Variants in BRINP1 observed in about 807,000 individuals in gnomAD.
BRINP1 encodes the protein BMP/retinoic acid-inducible neural-specific protein 1.
Under a neutral mutation model 72.9 loss-of-function variants are expected in BRINP1, and 17 were observed. The observed-to-expected ratio is 0.23, with a 90% CI of 0.16 to 0.35. The LOEUF (loss-of-function observed/expected upper bound fraction) is 0.35. Among genes scored for constraint, BRINP1 ranks in the 10% least tolerant of loss-of-function variants. The pLI is 1.00. For synonymous variants in BRINP1, 418 were observed against 378.5 expected (o/e 1.10, Z -1.21); for missense variants, 850 against 1,001.6 (o/e 0.85, Z 2.04).
intron 7 of BRINP1, among the ~76,000 whole-genome samples, chr9:119,201,164 G>T (rs1444313666): frequency 2.0e-5 from 3 of 152,186 alleles, no homozygotes; most frequent in Non-Finnish European, 4.4e-5. Context: ...AACATAGATT[G>T]GAAAGTGACT....
chr9:119,360,870 C>T (rs1320794049), intron 1 of BRINP1, among the ~76,000 whole-genome samples: 2 of 152,106 alleles, frequency 1.3e-5, no homozygotes, highest in African/African-American at 4.8e-5. Context: ...TGCTAAGAGC[C>T]CTGCTGCTCT....
At chr9:119,349,514 A>T (rs559264123) in intron 1 of BRINP1, among the ~76,000 whole-genome samples, 52 of 152,328 alleles carry the variant, frequency 3.4e-4, no homozygotes, top group African/African-American at 1.2e-3. Context: ...AGGAAGATGG[A>T]TTGGTGCGGT....
chr9:119,313,471 A>G, intron 1 of BRINP1, 66 bp from the exon 2 acceptor site: 1 of 1,404,146 alleles, frequency 7.1e-7, no homozygotes, highest in South Asian at 1.5e-5. Flanking sequence ...AGGAGAGGGG[A>G]AGAGGAGTAA....
intron 2 of BRINP1, among the ~76,000 whole-genome samples, chr9:119,288,036 T>C (rs565831650): frequency 4.6e-5 from 7 of 152,292 alleles, no homozygotes; most frequent in Admixed American, 1.3e-4. Flanking sequence ...ACAGTTACTT[T>C]TAAAAACTTT....
At chr9:119,285,873 C>T (rs1830756186) in intron 2 of BRINP1, among the ~76,000 whole-genome samples, 1 of 152,102 alleles carries the variant, frequency 6.6e-6, no homozygotes, top group African/African-American at 2.4e-5. Context: ...CCTACTAACT[C>T]ATTCTTTTCT....
intron 1 of BRINP1, among the ~76,000 whole-genome samples, chr9:119,359,275 C>T (rs566430688): frequency 2.6e-5 from 4 of 152,330 alleles, no homozygotes; most frequent in Non-Finnish European, 4.4e-5. Context: ...CTCACTGCAA[C>T]TTTGAACACC....
intron 1 of BRINP1, among the ~76,000 whole-genome samples, chr9:119,345,943 G>A (rs1831447244): frequency 1.3e-5 from 2 of 152,082 alleles, no homozygotes; most frequent in African/African-American, 2.4e-5. Context: ...ATATTGCTAA[G>A]TGACCTGTTT....
At chr9:119,270,039 G>A (rs1017792844) in intron 2 of BRINP1, among the ~76,000 whole-genome samples, 6 of 152,134 alleles carry the variant, frequency 3.9e-5, no homozygotes, top group Non-Finnish European at 7.4e-5. Context: ...GGGATAGTCA[G>A]GGTTGGACTC....
chr9:119,368,554 C>A lies in BRINP1; in HGVS notation c.-51+502G>T, dbSNP rs1323451547. The stretch of plus-strand genomic sequence containing the variant: ...GCGGGTTTCCCGGTGACTACGTGAT[C>A]CTATAGTAAGGGTCCCATTCCGTGT... On this transcript the variant is annotated intron_variant, in intron 1 of 7. Transcript: ENST00000265922. The surrounding 1 kb of genome is among the most constrained non-coding windows in gnomAD (Gnocchi z 4.7). 1.3e-5 allele frequency among the ~76,000 whole-genome samples: 2 copies of A among 152,202 alleles called. No individual in the cohort carries two copies. Among genetic ancestry groups the A allele is most frequent in the African/African-American group, 4.8e-5 (2 of 41,522 alleles).
chr9:119,213,675 TACG>T, intron 6 of BRINP1: 1 of 593,170 alleles, frequency 1.7e-6, no homozygotes, highest in East Asian at 2.7e-5. Context: ...GTCTTCTGGG[TACG>T]ACAGAAACAA....
chr9:119,291,540 G>A (rs1243389419), intron 2 of BRINP1, among the ~76,000 whole-genome samples: 1 of 152,030 alleles, frequency 6.6e-6, no homozygotes, highest in Non-Finnish European at 1.5e-5. Context: ...TTTCTCTCTG[G>A]AGCCAGCTAA....
chr9:119,303,867 CT>C (rs942206224), intron 2 of BRINP1, among the ~76,000 whole-genome samples: 63 of 133,396 alleles, frequency 4.7e-4, no homozygotes, highest in African/African-American at 1.7e-3. Context: ...AAGACTATCT[CT>C]TTTTTTCTTT....
chr9:119,322,239 G>C (rs1418043807), intron 1 of BRINP1, among the ~76,000 whole-genome samples: 2 of 152,186 alleles, frequency 1.3e-5, no homozygotes, highest in African/African-American at 4.8e-5. Context: ...AGAGAGGCTG[G>C]TTCTATTCTG....
At chr9:119,245,532 C>T (rs3780722) in intron 3 of BRINP1, among the ~76,000 whole-genome samples, 58 of 152,264 alleles carry the variant, frequency 3.8e-4, no homozygotes, top group East Asian at 2.9e-3. Context: ...TCCCTTCACC[C>T]CCCTTCATAG....
chr9:119,234,666 TG>T (rs748525584), intron 5 of BRINP1, among the ~76,000 whole-genome samples: 163 of 152,118 alleles, frequency 1.1e-3, no homozygotes, highest in Non-Finnish European at 1.3e-3. Flanking sequence ...TTATACTTAG[TG>T]TTTTTTTGCA....
chr9:119,283,178 TG>T, intron 2 of BRINP1: 2 of 984,938 alleles, frequency 2.0e-6, no homozygotes, highest in Non-Finnish European at 2.4e-6. Flanking sequence ...CCTCCTTGAG[TG>T]TTTCTTTAGA....
At chr9:119,301,924 A>C (rs549431044) in intron 2 of BRINP1, among the ~76,000 whole-genome samples, 1 of 152,306 alleles carries the variant, frequency 6.6e-6, no homozygotes, top group East Asian at 1.9e-4. Context: ...TCTTTCACCC[A>C]TTAATCTATT....
At chr9:119,198,176 T>C (rs1829760488) in intron 7 of BRINP1, among the ~76,000 whole-genome samples, 1 of 152,260 alleles carries the variant, frequency 6.6e-6, no homozygotes, top group African/African-American at 2.4e-5. Context: ...TTTATATGTT[T>C]TTAAGTTAAA....
chr9:119,177,904 G>T (rs1829507463), intron 7 of BRINP1, among the ~76,000 whole-genome samples: 1 of 152,162 alleles, frequency 6.6e-6, no homozygotes, highest in Non-Finnish European at 1.5e-5. Flanking sequence ...AGGCATTAAT[G>T]ATACAGCAAG....
Sources: gnomAD v4.1 joint callset for allele counts (sites outside exome capture counted in the v4.1 genomes callset) on GRCh38, gnomAD v4.1.1 for gene constraint, Gnocchi (gnomAD v3.1) non-coding constraint, MANE v1.5 for transcripts, NCBI Gene and HGNC (gene_info 2026-07-23, HGNC 2026-07-21) for gene names.